Variants in KCNH1 observed in about 807,000 individuals in gnomAD.
The protein encoded by KCNH1 is voltage-gated delayed rectifier potassium channel KCNH1.
A neutral mutation model predicts 69.2 loss-of-function variants in KCNH1; 27 were observed. That is an observed-to-expected ratio of 0.39 (90% CI 0.29 to 0.54). The LOEUF (loss-of-function observed/expected upper bound fraction) is 0.54, where lower values mean the gene tolerates loss of function less well. Among genes scored for constraint, KCNH1 ranks in the 20% least tolerant of loss-of-function variants. The pLI, the probability that KCNH1 is intolerant of heterozygous loss-of-function variation, is 0.68. For missense variants in KCNH1, 798 were observed against 1,261.6 expected, an observed-to-expected ratio of 0.63 and a Z score of 5.57; for synonymous variants, 456 against 487.7, an observed-to-expected ratio of 0.93 and a Z score of 0.86.
At chr1:211,113,469 T>C (rs1691509058) in intron 1 of KCNH1, among the ~76,000 whole-genome samples, 1 of 152,208 alleles carries the variant, frequency 6.6e-6, no homozygotes, top group East Asian at 1.9e-4. Context: ...CAATGTTTGG[T>C]CTCTTCCTTG....
At chr1:210,987,701 G>T (rs1292499347) in intron 6 of KCNH1, among the ~76,000 whole-genome samples, 1 of 152,220 alleles carries the variant, frequency 6.6e-6, no homozygotes, top group East Asian at 1.9e-4. Flanking sequence ...CTACTGGGGG[G>T]TGCCTCCCAG....
intron 10 of KCNH1, among the ~76,000 whole-genome samples, chr1:210,697,072 G>A (rs1037189184): frequency 6.6e-6 from 1 of 152,212 alleles, no homozygotes; most frequent in African/African-American, 2.4e-5. Context: ...GTCCTTTGCT[G>A]ATGGTTTACT....
At chr1:211,091,339 T>A (rs539680046) in intron 3 of KCNH1, among the ~76,000 whole-genome samples, 1 of 152,010 alleles carries the variant, frequency 6.6e-6, no homozygotes, top group Non-Finnish European at 1.5e-5. Flanking sequence ...CCCACCACCA[T>A]GCCCGGGTAA....
chr1:210,958,580 C>T (rs925701102), intron 6 of KCNH1, among the ~76,000 whole-genome samples: 42 of 152,268 alleles, frequency 2.8e-4, no homozygotes, highest in African/African-American at 9.9e-4. Context: ...TCACATAGTC[C>T]CAAATTTCTT....
chr1:211,043,556 T>C (rs570782218), intron 5 of KCNH1, among the ~76,000 whole-genome samples: 10 of 152,200 alleles, frequency 6.6e-5, no homozygotes, highest in South Asian at 2.1e-4. Context: ...TTCCACAAGA[T>C]AGAGAAAGAG....
intron 6 of KCNH1, among the ~76,000 whole-genome samples, chr1:211,013,923 A>G (rs1016029812): frequency 7.9e-5 from 12 of 152,234 alleles, no homozygotes; most frequent in Non-Finnish European, 1.8e-4. Context: ...ATCACAAGAT[A>G]AAGGAAAACT....
At chr1:210,713,875 G>A (rs977856837) in intron 10 of KCNH1, among the ~76,000 whole-genome samples, 5 of 152,174 alleles carry the variant, frequency 3.3e-5, no homozygotes, top group African/African-American at 1.2e-4. Flanking sequence ...GCAGACTGAG[G>A]CATCTCTGAG....
intron 6 of KCNH1, among the ~76,000 whole-genome samples, chr1:210,973,666 TTAACTA>T (rs1371513035): frequency 6.6e-6 from 1 of 152,150 alleles, no homozygotes; most frequent in African/African-American, 2.4e-5. Context: ...TTTATACAGT[TTAACTA>T]TAGCAAACTT....
intron 1 of KCNH1, among the ~76,000 whole-genome samples, chr1:211,117,408 G>A (rs1691601792): frequency 6.6e-6 from 1 of 152,158 alleles, no homozygotes; most frequent in African/African-American, 2.4e-5. Flanking sequence ...GCCCATTGCA[G>A]GTGTAAGCCT....
intron 10 of KCNH1, among the ~76,000 whole-genome samples, chr1:210,704,932 A>C (rs1469882637): frequency 1.3e-5 from 2 of 152,164 alleles, no homozygotes; most frequent in Non-Finnish European, 2.9e-5. Flanking sequence ...CTGGACTGCA[A>C]GCCCAAGCTC....
At chr1:210,983,780 TTAAAG>T (rs1397737296) in intron 6 of KCNH1, among the ~76,000 whole-genome samples, 1 of 152,166 alleles carries the variant, frequency 6.6e-6, no homozygotes, top group African/African-American at 2.4e-5. Flanking sequence ...CATATGAACT[TTAAAG>T]TAGTTTTTTC....
chr1:211,082,268 A>C (rs1690871914), intron 5 of KCNH1, among the ~76,000 whole-genome samples: 2 of 152,252 alleles, frequency 1.3e-5, no homozygotes, highest in African/African-American at 4.8e-5. Flanking sequence ...GATGTGTCTG[A>C]ATTTCATAAA....
chr1:210,769,524 C>G (rs1159486293), intron 10 of KCNH1, among the ~76,000 whole-genome samples: 1 of 152,162 alleles, frequency 6.6e-6, no homozygotes, highest in African/African-American at 2.4e-5. Context: ...CATCCTGGAA[C>G]AAATTAATAT....
chr1:211,025,999 T>C (rs1427945238), intron 5 of KCNH1, among the ~76,000 whole-genome samples: 1 of 152,186 alleles, frequency 6.6e-6, no homozygotes, highest in Non-Finnish European at 1.5e-5. Flanking sequence ...TAACTAGCAT[T>C]GGCCCCCTGG....
At chr1:210,898,682 G>GT (rs60777842) in intron 7 of KCNH1, among the ~76,000 whole-genome samples, 1 of 91,104 alleles carries the variant, frequency 1.1e-5, no homozygotes, top group Non-Finnish European at 2.8e-5. Context: ...GCGTGGCGGC[G>GT]GGGGGGGGTC....
chr1:210,690,808 C>A (rs1427671213), intron 10 of KCNH1, among the ~76,000 whole-genome samples: 2 of 152,192 alleles, frequency 1.3e-5, no homozygotes, highest in Non-Finnish European at 2.9e-5. Flanking sequence ...CTGTGTGGCA[C>A]CCTGGCCTGA....
intron 5 of KCNH1, among the ~76,000 whole-genome samples, chr1:211,036,852 T>G (rs1306691406): frequency 6.6e-6 from 1 of 152,208 alleles, no homozygotes; most frequent in Non-Finnish European, 1.5e-5. Flanking sequence ...CCAGTCAGAC[T>G]GGGAGTTCCC....
chr1:210,854,719 G>A (rs927704542), intron 7 of KCNH1, among the ~76,000 whole-genome samples: 62 of 152,300 alleles, frequency 4.1e-4, no homozygotes, highest in Non-Finnish European at 2.5e-4. Flanking sequence ...GACTCCAGGT[G>A]TCTGTTGATT....
intron 7 of KCNH1, among the ~76,000 whole-genome samples, chr1:210,900,948 C>A (rs1686983040): frequency 6.6e-6 from 1 of 152,128 alleles, no homozygotes; most frequent in East Asian, 1.9e-4. Flanking sequence ...ACACCCCTCC[C>A]TCCAAGACCT....
Sources: gnomAD v4.1 joint callset for allele counts (sites outside exome capture counted in the v4.1 genomes callset) on GRCh38, gnomAD v4.1.1 for gene constraint, MANE v1.5 for transcripts, NCBI Gene and HGNC (gene_info 2026-07-23, HGNC 2026-07-21) for gene names.